BBS9: variants seen among roughly 807,000 people sequenced by gnomAD.
The protein encoded by BBS9 is Bardet-Biedl syndrome 9.
BBS9 carries 89 observed loss-of-function variants against 117.7 expected under a neutral mutation model. That is an observed-to-expected ratio of 0.76 (90% CI 0.64 to 0.90). The LOEUF (loss-of-function observed/expected upper bound fraction) is 0.90, where lower values mean the gene tolerates loss of function less well. Among genes scored for constraint, BBS9 ranks in the 40% least tolerant of loss-of-function variants. The pLI, the probability that BBS9 is intolerant of heterozygous loss-of-function variation, is 0.00. For synonymous variants in BBS9, 379 were observed against 370.9 expected (o/e 1.02, Z -0.25); for missense variants, 982 against 1,042.2 (o/e 0.94, Z 0.80).
intron 19 of BBS9, among the ~76,000 whole-genome samples, chr7:33,488,583 G>A (rs1256254128): frequency 2.6e-5 from 4 of 152,080 alleles, no homozygotes; most frequent in African/African-American, 7.2e-5. Context: ...TATGGGGTTA[G>A]GATTAGATGA....
chr7:33,527,184 G>T (rs973078370), intron 20 of BBS9, among the ~76,000 whole-genome samples: 4 of 152,136 alleles, frequency 2.6e-5, no homozygotes, highest in African/African-American at 9.7e-5. Flanking sequence ...GTCTGCAGAG[G>T]TTACTGCTGT....
intron 19 of BBS9, among the ~76,000 whole-genome samples, chr7:33,487,037 A>G (rs148360870): frequency 3.3e-3 from 504 of 152,352 alleles, no homozygotes; most frequent in African/African-American, 0.012. Flanking sequence ...TTGGAATTCA[A>G]TGCCAGTATG....
chr7:33,246,869 A>G (rs1421010233), intron 5 of BBS9, among the ~76,000 whole-genome samples: 2 of 152,134 alleles, frequency 1.3e-5, no homozygotes, highest in African/African-American at 4.8e-5. Context: ...AGATTCTGAC[A>G]CACTCACAAT....
intron 7 of BBS9, among the ~76,000 whole-genome samples, chr7:33,271,248 T>C (rs2128340687): frequency 6.6e-6 from 1 of 152,228 alleles, no homozygotes; most frequent in East Asian, 1.9e-4. Flanking sequence ...TACTAACCAA[T>C]ACAAAAAACA....
intron 19 of BBS9, among the ~76,000 whole-genome samples, chr7:33,502,281 A>G (rs1176595146): frequency 3.3e-5 from 5 of 152,140 alleles, no homozygotes; most frequent in African/African-American, 9.7e-5. Context: ...TCTCTGGGGA[A>G]GAAGGGGAAG....
intron 19 of BBS9, among the ~76,000 whole-genome samples, chr7:33,435,005 A>G (rs1001138978): frequency 6.6e-6 from 1 of 152,146 alleles, no homozygotes; most frequent in African/African-American, 2.4e-5. Flanking sequence ...AGGAAATCTC[A>G]TCTCCTTTAT....
chr7:33,289,784 C>T (rs1449928934), intron 9 of BBS9, among the ~76,000 whole-genome samples: 1 of 152,106 alleles, frequency 6.6e-6, no homozygotes, highest in Non-Finnish European at 1.5e-5. Context: ...TGGCTCACGC[C>T]TGTAATCCCA....
intron 1 of BBS9, among the ~76,000 whole-genome samples, chr7:33,137,329 C>A (rs79220840): frequency 6.6e-6 from 1 of 151,990 alleles, no homozygotes; most frequent in South Asian, 2.1e-4. Flanking sequence ...TTCCCGGGCC[C>A]CCGACAGTGC....
intron 21 of BBS9, among the ~76,000 whole-genome samples, chr7:33,597,214 A>T (rs1862996176): frequency 6.6e-6 from 1 of 152,130 alleles, no homozygotes; most frequent in African/African-American, 2.4e-5. Flanking sequence ...CCCATTCCTC[A>T]CACTGCACAT....
chr7:33,564,088 A>AT (rs1410855915), intron 21 of BBS9, among the ~76,000 whole-genome samples: 2 of 152,128 alleles, frequency 1.3e-5, no homozygotes, highest in Non-Finnish European at 2.9e-5. Flanking sequence ...AAAGATGAAG[A>AT]TTGTCTTCTT....
chr7:33,270,282 T>A (rs1799577630), intron 7 of BBS9, among the ~76,000 whole-genome samples: 1 of 152,172 alleles, frequency 6.6e-6, no homozygotes, highest in Non-Finnish European at 1.5e-5. Flanking sequence ...GCAAGAACTC[T>A]GGCAACTCAA....
At chr7:33,170,893 C>T (rs1398354033) in intron 4 of BBS9, among the ~76,000 whole-genome samples, 2 of 151,956 alleles carry the variant, frequency 1.3e-5, no homozygotes, top group East Asian at 3.9e-4. Context: ...ATCCAACTTA[C>T]AAGGGATGTG....
chr7:33,583,300 A>G (rs1860315454), intron 21 of BBS9, among the ~76,000 whole-genome samples: 1 of 151,984 alleles, frequency 6.6e-6, no homozygotes. Context: ...GCTTACATGC[A>G]TTTGATAGAT....
rs562055155 is a variant in BBS9 at position 33,383,722 on chromosome 7, C to A, written c.1846C>A (p.Leu616Ile). 38 of 1,611,694 alleles carry A rather than the reference C, an allele frequency of 2.4e-5. No homozygotes were observed. Among genetic ancestry groups the A allele is most frequent in the Non-Finnish European group, 3.2e-5 (38 of 1,178,844 alleles). The change falls in exon 18 of 23, where the codon CTT (leucine) becomes ATT (isoleucine). Residue 616 changes from leucine (L) to isoleucine (I), a missense_variant. Transcript: ENST00000242067. The part of the protein sequence containing the change: ...FEDLWLITNE[L>I]ILRLQEYFEK... ...AGATCTTTGGCTCATAACCAATGAG[C>A]TTATTCTTCGCCTTCAAGAATATTT... is the stretch of plus-strand genomic sequence containing the variant.
intron 9 of BBS9, among the ~76,000 whole-genome samples, chr7:33,325,403 C>G (rs1169859712): frequency 6.6e-6 from 1 of 152,102 alleles, no homozygotes; most frequent in Non-Finnish European, 1.5e-5. Context: ...TCTTGAATTT[C>G]TTTGTGTTTC....
At chr7:33,142,497 A>G (rs1442597867) in intron 1 of BBS9, among the ~76,000 whole-genome samples, 3 of 152,240 alleles carry the variant, frequency 2.0e-5, no homozygotes, top group Non-Finnish European at 4.4e-5. Flanking sequence ...TTTTAACTAT[A>G]TAGTTCAGTA....
chr7:33,239,980 TGACAGAGC>T (rs1794204432), intron 5 of BBS9, among the ~76,000 whole-genome samples: 3 of 152,144 alleles, frequency 2.0e-5, no homozygotes, highest in Non-Finnish European at 2.9e-5. Flanking sequence ...CCAGTCTGGG[TGACAGAGC>T]AAGACCCTGT....
intron 5 of BBS9, among the ~76,000 whole-genome samples, chr7:33,252,004 A>T (rs936155234): frequency 1.3e-5 from 2 of 152,190 alleles, no homozygotes; most frequent in African/African-American, 4.8e-5. Flanking sequence ...TGCAGGCTGT[A>T]CAGGAAGCAT....
chr7:33,524,812 G>T (rs1381324199), intron 20 of BBS9, among the ~76,000 whole-genome samples: 3 of 151,984 alleles, frequency 2.0e-5, no homozygotes, highest in African/African-American at 7.3e-5. Flanking sequence ...GTTTGCTCTT[G>T]CTTTTCTAGT....
Sources: gnomAD v4.1 joint callset for allele counts (sites outside exome capture counted in the v4.1 genomes callset) on GRCh38, gnomAD v4.1.1 for gene constraint, MANE v1.5 for transcripts, NCBI Gene and HGNC (gene_info 2026-07-23, HGNC 2026-07-21) for gene names.